The following SORCS2 variants were observed in gnomAD, a reference collection of about 807,000 sequenced individuals.
SORCS2 encodes the protein VPS10 domain-containing receptor SorCS2.
Under a neutral mutation model 141.6 loss-of-function variants are expected in SORCS2, and 100 were observed. That is an observed-to-expected ratio of 0.71 (90% CI 0.60 to 0.83). The LOEUF (loss-of-function observed/expected upper bound fraction) is 0.83, where lower values mean the gene tolerates loss of function less well. Ranked by LOEUF, SORCS2 falls within the 40% of genes least tolerant of loss-of-function variation. The probability of loss-of-function intolerance (pLI) is 0.00; values close to 1 mark genes in which losing one functional copy is unlikely to be tolerated. For missense variants in SORCS2, 1,646 were observed against 1,560.2 expected (o/e 1.05, Z -0.93); for synonymous variants, 789 against 676.9 (o/e 1.17, Z -2.57).
intron 1 of SORCS2, among the ~76,000 whole-genome samples, chr4:7,302,887 C>T (rs758403080): frequency 6.6e-6 from 1 of 151,904 alleles, no homozygotes; most frequent in Non-Finnish European, 1.5e-5. Context: ...ACAAGAATAT[C>T]ATCTAATTAG....
intron 2 of SORCS2, among the ~76,000 whole-genome samples, chr4:7,441,046 G>C (rs956652324): frequency 6.6e-5 from 10 of 152,146 alleles, no homozygotes; most frequent in Admixed American, 2.6e-4. Context: ...TCGGTCCCTG[G>C]GAAGCAGGTG....
At chr4:7,718,289 T>A (rs16840907) in intron 18 of SORCS2, 106 bp downstream of exon 18, 119,048 of 1,318,224 alleles carry the variant, frequency 0.09, 6,860 homozygotes, top group African/African-American at 0.27. Flanking sequence ...TAGAAGTGGC[T>A]CAGGGCATCG....
At chr4:7,475,346 C>A (rs1730227091) in intron 2 of SORCS2, among the ~76,000 whole-genome samples, 1 of 152,124 alleles carries the variant, frequency 6.6e-6, no homozygotes, top group African/African-American at 2.4e-5. Context: ...GGAACACCTG[C>A]CACAAGGGTG....
intron 2 of SORCS2, among the ~76,000 whole-genome samples, chr4:7,518,229 A>C (rs749982031): frequency 6.6e-6 from 1 of 152,160 alleles, no homozygotes; most frequent in Non-Finnish European, 1.5e-5. Context: ...GCATTTATTG[A>C]TCGTATGTGG....
chr4:7,413,315 G>A (rs532230936), intron 2 of SORCS2, among the ~76,000 whole-genome samples: 170 of 150,148 alleles, frequency 1.1e-3, no homozygotes, highest in Non-Finnish European at 1.8e-3. Context: ...AAATATGTAC[G>A]TGATTTATAA....
At chr4:7,422,236 C>T (rs1056457506) in intron 2 of SORCS2, among the ~76,000 whole-genome samples, 1 of 152,182 alleles carries the variant, frequency 6.6e-6, no homozygotes, top group Non-Finnish European at 1.5e-5. Flanking sequence ...TTGAGTGGGC[C>T]ACCTGGGCTG....
chr4:7,329,922 C>G (rs543777658), intron 1 of SORCS2, among the ~76,000 whole-genome samples: 16 of 152,174 alleles, frequency 1.1e-4, no homozygotes, highest in African/African-American at 3.9e-4. Context: ...CATCTTGGGT[C>G]GAGGAGCACC....
chr4:7,739,204 A>G (rs1712448747), intron 26 of SORCS2, among the ~76,000 whole-genome samples: 1 of 152,166 alleles, frequency 6.6e-6, no homozygotes, highest in South Asian at 2.1e-4. Flanking sequence ...GTGGCTATAC[A>G]GCTGTGTGCC....
At chr4:7,371,213 T>C (rs1170270951) in intron 1 of SORCS2, among the ~76,000 whole-genome samples, 1 of 152,130 alleles carries the variant, frequency 6.6e-6, no homozygotes, top group African/African-American at 2.4e-5. Context: ...TCTATGGGGA[T>C]CGTGCCCACG....
At chr4:7,551,518 C>G (rs1029890512) in intron 3 of SORCS2, among the ~76,000 whole-genome samples, 50 of 152,124 alleles carry the variant, frequency 3.3e-4, no homozygotes, top group African/African-American at 1.2e-3. Context: ...GGCCTTGACC[C>G]AAGCTGATGC....
intron 3 of SORCS2, among the ~76,000 whole-genome samples, chr4:7,629,168 C>T (rs942082582): frequency 6.6e-5 from 10 of 151,926 alleles, no homozygotes; most frequent in Admixed American, 4.6e-4. Context: ...TGTTGTGTGT[C>T]GTATGTATGT....
chr4:7,371,752 C>T (rs1313621772), intron 1 of SORCS2, among the ~76,000 whole-genome samples: 1 of 152,170 alleles, frequency 6.6e-6, no homozygotes, highest in Non-Finnish European at 1.5e-5. Context: ...GGGTGTGTGT[C>T]GGGAGCTGAG....
chr4:7,299,449 C>G (rs904086921), intron 1 of SORCS2, among the ~76,000 whole-genome samples: 1 of 152,210 alleles, frequency 6.6e-6, no homozygotes, highest in Non-Finnish European at 1.5e-5. Flanking sequence ...ATACATCTCT[C>G]GGGGACCATC....
At chr4:7,361,028 T>A (rs571152500) in intron 1 of SORCS2, among the ~76,000 whole-genome samples, 39 of 152,254 alleles carry the variant, frequency 2.6e-4, no homozygotes, top group African/African-American at 9.4e-4. Context: ...GGAGCTTCTG[T>A]GACAGCTATG....
At chr4:7,536,565 G>C (rs1015814447) in intron 3 of SORCS2, among the ~76,000 whole-genome samples, 1 of 152,138 alleles carries the variant, frequency 6.6e-6, no homozygotes, top group Non-Finnish European at 1.5e-5. Flanking sequence ...CATGACTGTG[G>C]GGCAGAGGTC....
intron 1 of SORCS2, among the ~76,000 whole-genome samples, chr4:7,280,760 A>C (rs1715823819): frequency 6.6e-6 from 1 of 152,156 alleles, no homozygotes; most frequent in Non-Finnish European, 1.5e-5. Flanking sequence ...AAATACAGAG[A>C]TGACTAGTAC....
intron 9 of SORCS2, among the ~76,000 whole-genome samples, chr4:7,677,891 G>A (rs1361498481): frequency 6.6e-6 from 1 of 152,162 alleles, no homozygotes; most frequent in Non-Finnish European, 1.5e-5. Flanking sequence ...TGCCCTCTGA[G>A]CCTCTAGGAG....
At chr4:7,216,597 A>G (rs542483385) in intron 1 of SORCS2, among the ~76,000 whole-genome samples, 110 of 152,206 alleles carry the variant, frequency 7.2e-4, no homozygotes, top group African/African-American at 2.3e-3. Context: ...AGGTGCCCAC[A>G]TGCCTTGCCT....
chr4:7,627,127 AC>A (rs1182242884), intron 3 of SORCS2, among the ~76,000 whole-genome samples: 1 of 152,076 alleles, frequency 6.6e-6, no homozygotes, highest in African/African-American at 2.4e-5. Flanking sequence ...CTGGGACTAC[AC>A]GTGCGTGCCA....
Sources: gnomAD v4.1 joint callset for allele counts (sites outside exome capture counted in the v4.1 genomes callset) on GRCh38, gnomAD v4.1.1 for gene constraint, MANE v1.5 for transcripts, NCBI Gene and HGNC (gene_info 2026-07-23, HGNC 2026-07-21) for gene names.